EBF3: variants seen among roughly 807,000 people sequenced by gnomAD.
EBF3 encodes transcription factor COE3.
In EBF3, 18 loss-of-function variants were observed where a neutral mutation model predicts 77.1. That is an observed-to-expected ratio of 0.23 (90% CI 0.16 to 0.35). The LOEUF is 0.35. EBF3 is among the 10% of genes least tolerant of loss of function. The pLI, the probability that EBF3 is intolerant of heterozygous loss-of-function variation, is 1.00. For synonymous variants in EBF3, 350 were observed against 343.5 expected, an observed-to-expected ratio of 1.02 and a Z score of -0.21; for missense variants, 558 against 860.0, an observed-to-expected ratio of 0.65 and a Z score of 4.39.
intron 11 of EBF3, among the ~76,000 whole-genome samples, chr10:129,847,822 G>A (rs188562136): frequency 1.3e-5 from 2 of 152,318 alleles, no homozygotes; most frequent in African/African-American, 2.4e-5. Context: ...CATAAACAAC[G>A]CGGGCAGCTT....
intron 6 of EBF3, among the ~76,000 whole-genome samples, chr10:129,937,977 A>G (rs1402454905): frequency 1.3e-5 from 2 of 152,212 alleles, no homozygotes; most frequent in Admixed American, 6.5e-5. Flanking sequence ...ACATGGGTAC[A>G]CTTTCACAAA....
At chr10:129,858,972 C>A (rs1422255746) in intron 10 of EBF3, among the ~76,000 whole-genome samples, 2 of 152,218 alleles carry the variant, frequency 1.3e-5, no homozygotes, top group African/African-American at 4.8e-5. Context: ...CCTCCTATCT[C>A]AACGGGAGCT....
chr10:129,915,603 C>T (rs1409510639), intron 6 of EBF3, among the ~76,000 whole-genome samples: 2 of 152,144 alleles, frequency 1.3e-5, no homozygotes, highest in African/African-American at 2.4e-5. Context: ...ACAGCCCAGA[C>T]ATCAATGCTG....
At chr10:129,898,411 T>C (rs992850699) in intron 6 of EBF3, among the ~76,000 whole-genome samples, 4 of 152,096 alleles carry the variant, frequency 2.6e-5, no homozygotes, top group African/African-American at 9.7e-5. Flanking sequence ...AAGGAAATGA[T>C]ATAGAAACAG....
chr10:129,870,482 G>A lies in EBF3; in HGVS notation c.782-2570C>T, dbSNP rs185828896. ...CAGATCCTGGTCTGCAGCTTTCAGC[G>A]TGGCCCACCCTCCTGGGGCCCCGAG... On this transcript the variant is annotated intron_variant, in intron 8 of 16. Coordinates refer to ENST00000440978, the MANE Select transcript of EBF3 (RefSeq NM_001375380.1). The surrounding 1 kb of genome is among the most constrained non-coding windows in gnomAD (Gnocchi z 4.4). Among the ~76,000 whole-genome samples, 190 of 152,158 alleles carry A rather than the reference G, an allele frequency of 1.2e-3. No individual in the cohort carries two copies. The highest frequency in any genetic ancestry group is 4.3e-3 in the African/African-American group (180 of 41,522).
intron 15 of EBF3, among the ~76,000 whole-genome samples, chr10:129,839,701 G>A (rs1215055229): frequency 6.6e-6 from 1 of 152,246 alleles, no homozygotes; most frequent in Admixed American, 6.5e-5. Context: ...AGATAAGGTG[G>A]AGAACCAAGG....
chr10:129,949,088 C>T (rs992528648), intron 6 of EBF3, among the ~76,000 whole-genome samples: 2 of 152,138 alleles, frequency 1.3e-5, no homozygotes, highest in Non-Finnish European at 2.9e-5. Context: ...CACCTGAGGT[C>T]GGGAGTTCAA....
Position 129,963,888 on chromosome 10 carries a change from C to A in EBF3, c.-120G>T. 1 of 1,171,964 alleles carries A rather than the reference C, an allele frequency of 8.5e-7. No homozygotes were observed. 72.6% of individuals were successfully genotyped at this position (1,171,964 alleles called of 1,614,324 possible). On this transcript the variant is annotated 5_prime_UTR_variant, in exon 1 of 17. Transcript: ENST00000440978. This position sits in a 1 kb window ranked among gnomAD's most constrained non-coding sequence, Gnocchi z 7.1. ...CTCGCCCTGCTCGGCGCCTGCGGTC[C>A]GGCCCCGCCGCCGGCTTCAGCCCGT...
Position 129,963,869 on chromosome 10 carries a change from C to T in EBF3, c.-101G>A, listed in dbSNP as rs960497981. The T allele has an allele frequency of 2.4e-6, 3 of 1,260,984 alleles. No homozygotes were observed. The highest frequency in any genetic ancestry group is 3.3e-5 in the African/African-American group (2 of 61,458). 78.1% of individuals were successfully genotyped at this position (1,260,984 alleles called of 1,614,324 possible). On this transcript the variant is annotated 5_prime_UTR_variant, in exon 1 of 17. Coordinates refer to ENST00000440978, the MANE Select transcript of EBF3 (RefSeq NM_001375380.1). This position sits in a 1 kb window ranked among gnomAD's most constrained non-coding sequence, Gnocchi z 7.1. ...GGCGGCTGCCCTGGCCGCCCTCGCC[C>T]TGCTCGGCGCCTGCGGTCCGGCCCC...
intron 11 of EBF3, among the ~76,000 whole-genome samples, chr10:129,843,987 T>TAA (rs1282107928): frequency 6.6e-6 from 1 of 152,226 alleles, no homozygotes; most frequent in East Asian, 1.9e-4. Context: ...AATGGGGGCT[T>TAA]ACGTTTTAAC....
intron 6 of EBF3, among the ~76,000 whole-genome samples, chr10:129,937,361 C>G (rs1359054635): frequency 6.6e-6 from 1 of 152,106 alleles, no homozygotes; most frequent in Non-Finnish European, 1.5e-5. Context: ...CTGGGTGACC[C>G]TGAGTGGGAA....
intron 6 of EBF3, among the ~76,000 whole-genome samples, chr10:129,950,206 C>A (rs933157778): frequency 6.6e-6 from 1 of 152,168 alleles, no homozygotes; most frequent in African/African-American, 2.4e-5. Flanking sequence ...AACCGCGAGC[C>A]CCTTCCTTTC....
At chr10:129,929,467 A>G (rs1330107160) in intron 6 of EBF3, among the ~76,000 whole-genome samples, 2 of 152,162 alleles carry the variant, frequency 1.3e-5, no homozygotes, top group Non-Finnish European at 2.9e-5. Context: ...CAGCCTCCCA[A>G]AGTGCTAGAA....
intron 4 of EBF3, among the ~76,000 whole-genome samples, chr10:129,959,546 C>T (rs112181561): frequency 6.6e-6 from 1 of 152,050 alleles, no homozygotes. Flanking sequence ...CCGCGCCCGC[C>T]CTGCCCTGCG....
At position 129,864,867 on chromosome 10, in the gene EBF3, C is replaced by T. The variant is rs1248036419; in HGVS notation, c.1039+2274G>A. Among the ~76,000 whole-genome samples the T allele has an allele frequency of 6.6e-6, 1 of 152,204 alleles. No individual in the cohort carries two copies. Among genetic ancestry groups the T allele is most frequent in the Non-Finnish European group, 1.5e-5 (1 of 68,038 alleles). On this transcript the variant is annotated intron_variant, in intron 10 of 16. Coordinates refer to ENST00000440978, the MANE Select transcript of EBF3 (RefSeq NM_001375380.1). This position sits in a 1 kb window ranked among gnomAD's most constrained non-coding sequence, Gnocchi z 4.4. ...CGAGCAGAGTCCCACAGAACCCAGC[C>T]GAAGTTCACCCTCAGTGACTTTCCA...
intron 10 of EBF3, among the ~76,000 whole-genome samples, chr10:129,851,763 C>CATATT (rs1205942045): frequency 6.6e-6 from 1 of 152,152 alleles, no homozygotes; most frequent in African/African-American, 2.4e-5. Flanking sequence ...GATTACAAGG[C>CATATT]TGTTGTATCA....
At chr10:129,959,607 C>T (rs1345583253) in intron 4 of EBF3, among the ~76,000 whole-genome samples, 1 of 151,796 alleles carries the variant, frequency 6.6e-6, no homozygotes, top group Non-Finnish European at 1.5e-5. Flanking sequence ...CCGCGGCTTC[C>T]CGCGTTCCAA....
At chr10:129,941,905 C>T (rs186349913) in intron 6 of EBF3, among the ~76,000 whole-genome samples, 137 of 152,378 alleles carry the variant, frequency 9.0e-4, no homozygotes, top group Admixed American at 3.7e-3. Context: ...TGGGTGAGAT[C>T]CCAATCCAGA....
intron 6 of EBF3, among the ~76,000 whole-genome samples, chr10:129,946,373 T>C (rs770736313): frequency 2.6e-5 from 4 of 152,204 alleles, no homozygotes; most frequent in Non-Finnish European, 4.4e-5. Flanking sequence ...TGAAAATAAT[T>C]AGAATGGGGT....
Sources: gnomAD v4.1 joint callset for allele counts (sites outside exome capture counted in the v4.1 genomes callset) on GRCh38, gnomAD v4.1.1 for gene constraint, Gnocchi (gnomAD v3.1) non-coding constraint, MANE v1.5 for transcripts, NCBI Gene and HGNC (gene_info 2026-07-23, HGNC 2026-07-21) for gene names.